The following ANAPC16 variants were observed in gnomAD, a reference collection of about 807,000 sequenced individuals.
ANAPC16 encodes the protein anaphase-promoting complex subunit 16.
A neutral mutation model predicts 13.1 loss-of-function variants in ANAPC16; 6 were observed. That is an observed-to-expected ratio of 0.46 (90% CI 0.25 to 0.90). The LOEUF is 0.90. ANAPC16 is among the 40% of genes least tolerant of loss of function. The probability of loss-of-function intolerance (pLI) is 0.18; values close to 1 mark genes in which losing one functional copy is unlikely to be tolerated. For missense variants in ANAPC16, 113 were observed against 131.1 expected (o/e 0.86, Z 0.67); for synonymous variants, 55 against 51.3 (o/e 1.07, Z -0.31).
chr10:72,217,737 C>T (rs1455502178), intron 1 of ANAPC16, among the ~76,000 whole-genome samples: 1 of 151,990 alleles, frequency 6.6e-6, no homozygotes, highest in Non-Finnish European at 1.5e-5. Flanking sequence ...AAGTGTTTTA[C>T]GTGTATTAAC....
chr10:72,221,376 T>C (rs1423237337), intron 1 of ANAPC16, among the ~76,000 whole-genome samples: 1 of 152,036 alleles, frequency 6.6e-6, no homozygotes, highest in African/African-American at 2.4e-5. Flanking sequence ...GCTACTTAAA[T>C]TTTAATTAAT....
chr10:72,223,876 C>A lies in ANAPC16; in HGVS notation c.-27-12C>A. ...CATAAACTTGCCAATTGCTGTTTTT[C>A]TTTCTCTGTAGTGAAGTAAGAACTC... On this transcript the variant is annotated splice_polypyrimidine_tract_variant and intron_variant, in intron 1 of 3. Transcript: ENST00000299381. 2 of 1,492,504 alleles carry A rather than the reference C, an allele frequency of 1.3e-6. No homozygotes were observed. Among genetic ancestry groups the A allele is most frequent in the African/African-American group, 1.4e-5 (1 of 71,174 alleles). 92.5% of individuals were successfully genotyped at this position (1,492,504 alleles called of 1,614,324 possible).
chr10:72,224,190 A>C, intron 2 of ANAPC16, 134 bp downstream of exon 2: 12 of 1,056,686 alleles, frequency 1.1e-5, no homozygotes, highest in Non-Finnish European at 1.4e-5. Context: ...TCCCCATCTC[A>C]AAATAGTATC....
chr10:72,230,491 G>A lies in ANAPC16; in HGVS notation c.217+51G>A, dbSNP rs779246824. 23 of 1,506,314 alleles carry A rather than the reference G, an allele frequency of 1.5e-5. No homozygotes were observed. In the East Asian group the frequency reaches 5.2e-4, roughly 34 times the overall value. The allele number at this position is 1,506,314 out of a possible 1,614,324, so 93.3% of individuals were successfully genotyped here. On this transcript the variant is annotated intron_variant, in intron 3 of 3. Transcript: ENST00000299381. Reference sequence around the variant, plus strand: ...GACTGTGAGAATAAATTTGCTAGGGGGTGGATGAGGCTGTGACAAAAATCC... The same window carrying A: ...GACTGTGAGAATAAATTTGCTAGGGAGTGGATGAGGCTGTGACAAAAATCC...
intron 1 of ANAPC16, among the ~76,000 whole-genome samples, chr10:72,222,332 C>T (rs942789655): frequency 6.6e-6 from 1 of 151,628 alleles, no homozygotes; most frequent in Non-Finnish European, 1.5e-5. Flanking sequence ...GCAGGAGAAT[C>T]GCTTGAACCT....
chr10:72,228,530 T>C (rs2133686635), intron 2 of ANAPC16, among the ~76,000 whole-genome samples: 1 of 152,316 alleles, frequency 6.6e-6, no homozygotes, highest in South Asian at 2.1e-4. Flanking sequence ...TTATGACCTG[T>C]GCTTGTCCCT....
chr10:72,223,863 A>G, intron 1 of ANAPC16, 25 bp from the exon 2 acceptor site: 2 of 1,472,984 alleles, frequency 1.4e-6, no homozygotes, highest in Admixed American at 4.1e-5. Flanking sequence ...TAAACTTGCC[A>G]ATTGCTGTTT....
At position 72,234,309 on chromosome 10, in the gene ANAPC16, AT is replaced by A. The variant is rs532807368; in HGVS notation, c.*1202del. On this transcript the variant is annotated 3_prime_UTR_variant, in exon 4 of 4. Transcript: ENST00000299381. ...AGGCGTGAGCCACCTTGCCCAGCCAATTTTTTTTTAAAGAGACATGGTCTTG... is the reference window on the plus strand; with the variant it reads ...AGGCGTGAGCCACCTTGCCCAGCCAATTTTTTTTAAAGAGACATGGTCTTG... The A allele has an allele frequency of 2.6e-5, 4 of 151,210 alleles. No individual in the cohort carries two copies. Among genetic ancestry groups the A allele is most frequent in the Admixed American group, 2.0e-4 (3 of 15,140 alleles). The allele number at this position is 151,210 out of a possible 1,614,324, so 9.4% of individuals were successfully genotyped here.
At chr10:72,222,841 G>A (rs1029685537) in intron 1 of ANAPC16, among the ~76,000 whole-genome samples, 1 of 152,200 alleles carries the variant, frequency 6.6e-6, no homozygotes, top group South Asian at 2.1e-4. Flanking sequence ...TGTTAAAGTC[G>A]TGTAAGCTTC....
intron 3 of ANAPC16, among the ~76,000 whole-genome samples, chr10:72,232,781 A>G (rs1326752499): frequency 1.3e-5 from 2 of 151,048 alleles, no homozygotes; most frequent in Non-Finnish European, 3.0e-5. Flanking sequence ...TTTTTTTTGT[A>G]TTTTTATAGA....
intron 1 of ANAPC16, among the ~76,000 whole-genome samples, chr10:72,221,162 C>T (rs957331924): frequency 3.3e-5 from 5 of 152,280 alleles, no homozygotes; most frequent in African/African-American, 1.2e-4. Context: ...GTGATCTGCC[C>T]ACCTTGGCCT....
chr10:72,221,099 A>G (rs1240449434), intron 1 of ANAPC16, among the ~76,000 whole-genome samples: 2 of 152,034 alleles, frequency 1.3e-5, no homozygotes, highest in Non-Finnish European at 2.9e-5. Flanking sequence ...GTATTTTAAT[A>G]GAGATGGAGT....
At chr10:72,228,506 A>G (rs4554797) in intron 2 of ANAPC16, among the ~76,000 whole-genome samples, 87,995 of 152,048 alleles carry the variant, frequency 0.58, 27,394 homozygotes, top group African/African-American at 0.8. Context: ...GTAATTTACT[A>G]AACTTTTCCC....
chr10:72,217,349 C>A (rs1859533807), intron 1 of ANAPC16, among the ~76,000 whole-genome samples: 1 of 151,890 alleles, frequency 6.6e-6, no homozygotes, highest in Admixed American at 6.6e-5. Context: ...GTGGCGGGCG[C>A]CTGTAGTCCC....
intron 3 of ANAPC16, among the ~76,000 whole-genome samples, chr10:72,231,159 G>T (rs746962039): frequency 3.3e-5 from 5 of 152,124 alleles, no homozygotes; most frequent in Non-Finnish European, 7.4e-5. Context: ...CTTTATGTAG[G>T]GGGAAAAGCT....
intron 1 of ANAPC16, among the ~76,000 whole-genome samples, chr10:72,222,692 G>A (rs1589710300): frequency 1.3e-5 from 2 of 152,300 alleles, no homozygotes; most frequent in South Asian, 2.1e-4. Context: ...CAGGAGAATC[G>A]CTTGAACCTA....
intron 1 of ANAPC16, among the ~76,000 whole-genome samples, chr10:72,222,059 G>T (rs1311087671): frequency 1.3e-5 from 2 of 151,020 alleles, no homozygotes. Flanking sequence ...AAATACACTT[G>T]TTAGAGGGCT....
chr10:72,226,938 A>G (rs1005248637), intron 2 of ANAPC16, among the ~76,000 whole-genome samples: 12 of 152,276 alleles, frequency 7.9e-5, no homozygotes, highest in African/African-American at 2.9e-4. Context: ...TAAATACTCA[A>G]GTTAGTATCA....
chr10:72,217,432 G>A (rs936491842), intron 1 of ANAPC16, among the ~76,000 whole-genome samples: 5 of 148,700 alleles, frequency 3.4e-5, no homozygotes, highest in Non-Finnish European at 7.4e-5. Context: ...CCGAGATCGC[G>A]CCACTGCACT....
Sources: gnomAD v4.1 joint callset for allele counts (sites outside exome capture counted in the v4.1 genomes callset) on GRCh38, gnomAD v4.1.1 for gene constraint, MANE v1.5 for transcripts, NCBI Gene and HGNC (gene_info 2026-07-23, HGNC 2026-07-21) for gene names.